Variants in SLC44A5 observed in about 807,000 individuals in gnomAD.
SLC44A5 encodes solute carrier family 44 member 5.
In SLC44A5, 57 loss-of-function variants were observed where a neutral mutation model predicts 101.8. That is an observed-to-expected ratio of 0.56 (90% CI 0.45 to 0.70). The LOEUF is 0.70. Ranked by LOEUF, SLC44A5 falls within the 30% of genes least tolerant of loss-of-function variation. The pLI, the probability that SLC44A5 is intolerant of heterozygous loss-of-function variation, is 0.00. For missense variants in SLC44A5, 737 were observed against 853.1 expected (o/e 0.86, Z 1.70); for synonymous variants, 281 against 290.9 (o/e 0.97, Z 0.35).
At chr1:75,670,620 GAGA>G in the SLC44A5 span, among the ~76,000 whole-genome samples, 1 of 152,162 alleles carries the variant, frequency 6.6e-6, no homozygotes, top group Non-Finnish European at 1.5e-5. Context: ...TAGATCACTG[GAGA>G]AGAAGGTGGG....
the SLC44A5 span, among the ~76,000 whole-genome samples, chr1:75,692,486 C>A: frequency 6.6e-6 from 1 of 152,126 alleles, no homozygotes; most frequent in Non-Finnish European, 1.5e-5. Flanking sequence ...TGAGCCACCG[C>A]AGCCGGCCCG....
At chr1:75,602,788 C>G (rs1353180713) in intron 1 of SLC44A5, among the ~76,000 whole-genome samples, 1 of 151,966 alleles carries the variant, frequency 6.6e-6, no homozygotes, top group African/African-American at 2.4e-5. Flanking sequence ...AGCATAAATG[C>G]CCAGTAAGTA....
chr1:75,723,671 C>T, the SLC44A5 span: 1 of 152,144 alleles, frequency 6.6e-6, no homozygotes, highest in Non-Finnish European at 1.5e-5. Flanking sequence ...TACTTACCAC[C>T]ACCACTTTGA....
At chr1:75,633,383 T>C in the SLC44A5 span, among the ~76,000 whole-genome samples, 81 of 152,314 alleles carry the variant, frequency 5.3e-4, no homozygotes, top group African/African-American at 1.9e-3. Context: ...CTTTGTATCC[T>C]CTTTTATTTC....
the SLC44A5 span, among the ~76,000 whole-genome samples, chr1:75,703,519 G>A: frequency 6.6e-6 from 1 of 151,910 alleles, no homozygotes; most frequent in Non-Finnish European, 1.5e-5. Flanking sequence ...TGTGGGGTGG[G>A]GCGAGGGGGG....
intron 1 of SLC44A5, among the ~76,000 whole-genome samples, chr1:75,569,957 A>G (rs1358657631): frequency 6.6e-5 from 10 of 152,244 alleles, no homozygotes; most frequent in African/African-American, 4.8e-5. Flanking sequence ...TCAACAGATC[A>G]TTTGGCACCT....
intron 3 of SLC44A5, among the ~76,000 whole-genome samples, chr1:75,392,103 T>A (rs964164722): frequency 6.6e-6 from 1 of 151,914 alleles, no homozygotes; most frequent in Non-Finnish European, 1.5e-5. Flanking sequence ...TGAGCCATGA[T>A]CACGCCACTG....
At chr1:75,584,425 A>G (rs1055979272) in intron 1 of SLC44A5, among the ~76,000 whole-genome samples, 1 of 152,226 alleles carries the variant, frequency 6.6e-6, no homozygotes, top group Non-Finnish European at 1.5e-5. Context: ...TGAATTAACA[A>G]TGAATTAGGA....
chr1:75,299,058 C>T (rs1654212913), intron 5 of SLC44A5, among the ~76,000 whole-genome samples: 1 of 151,998 alleles, frequency 6.6e-6, no homozygotes, highest in Non-Finnish European at 1.5e-5. Flanking sequence ...AAAGTAAAAA[C>T]AAACAAAAAA....
intron 2 of SLC44A5, among the ~76,000 whole-genome samples, chr1:75,462,142 G>A (rs1335423397): frequency 1.3e-5 from 2 of 152,152 alleles, no homozygotes; most frequent in African/African-American, 4.8e-5. Flanking sequence ...GTAGCCAAAG[G>A]GTGCTTATGT....
intron 2 of SLC44A5, among the ~76,000 whole-genome samples, chr1:75,488,119 C>T (rs990490885): frequency 6.6e-6 from 1 of 152,200 alleles, no homozygotes; most frequent in African/African-American, 2.4e-5. Context: ...AAAATAAGCT[C>T]AGGCCTCCCA....
At chr1:75,647,528 C>T in the SLC44A5 span, among the ~76,000 whole-genome samples, 18 of 152,122 alleles carry the variant, frequency 1.2e-4, no homozygotes, top group East Asian at 2.5e-3. Flanking sequence ...CAGCTTGCAC[C>T]GTGCACCTGG....
At chr1:75,283,801 G>C (rs1408776994) in intron 5 of SLC44A5, among the ~76,000 whole-genome samples, 2 of 152,000 alleles carry the variant, frequency 1.3e-5, no homozygotes, top group African/African-American at 2.4e-5. Context: ...AGATCAGTTG[G>C]CTGTAAGTAT....
chr1:75,229,028 C>CT (rs887907517), intron 12 of SLC44A5, among the ~76,000 whole-genome samples: 2 of 151,428 alleles, frequency 1.3e-5, no homozygotes, highest in Admixed American at 6.6e-5. Context: ...ACTATGTTTT[C>CT]TTTTTTTTAT....
the SLC44A5 span, chr1:75,723,860 C>T: frequency 6.6e-6 from 1 of 152,142 alleles, no homozygotes; most frequent in African/African-American, 2.4e-5. Context: ...AGAATTTTAA[C>T]AGCTAAATTA....
At chr1:75,705,522 A>G in the SLC44A5 span, among the ~76,000 whole-genome samples, 1 of 152,152 alleles carries the variant, frequency 6.6e-6, no homozygotes, top group Non-Finnish European at 1.5e-5. Flanking sequence ...CTTTATTACT[A>G]TACTCACAAA....
intron 1 of SLC44A5, among the ~76,000 whole-genome samples, chr1:75,560,077 C>T (rs1356453183): frequency 6.6e-6 from 1 of 152,134 alleles, no homozygotes; most frequent in African/African-American, 2.4e-5. Flanking sequence ...AACCCTCATA[C>T]ATTGCTGATG....
chr1:75,403,478 G>T (rs1380766952), intron 2 of SLC44A5, among the ~76,000 whole-genome samples: 2 of 152,116 alleles, frequency 1.3e-5, no homozygotes, highest in African/African-American at 4.8e-5. Flanking sequence ...TGCCCCTCTG[G>T]GACGAAGCTT....
intron 1 of SLC44A5, among the ~76,000 whole-genome samples, chr1:75,561,457 T>G (rs1474507610): frequency 6.6e-6 from 1 of 152,148 alleles, no homozygotes; most frequent in East Asian, 1.9e-4. Context: ...GTACAAGTAC[T>G]ATGAGGAAAG....
Sources: allele counts gnomAD v4.1 joint callset (sites outside exome capture counted in the v4.1 genomes callset), GRCh38; gene constraint gnomAD v4.1.1; transcripts MANE v1.5; gene names NCBI Gene and HGNC (gene_info 2026-07-23, HGNC 2026-07-21).